Variants in SLC12A6 observed in about 807,000 individuals in gnomAD.
SLC12A6 encodes the protein solute carrier family 12 member 6, also known as K-Cl cotransporter 3.
In SLC12A6, 66 loss-of-function variants were observed where a neutral mutation model predicts 135.3. That is an observed-to-expected ratio of 0.49 (90% confidence interval 0.40 to 0.60). The LOEUF (loss-of-function observed/expected upper bound fraction) is 0.60, where lower values mean the gene tolerates loss of function less well. Among genes scored for constraint, SLC12A6 ranks in the 20% least tolerant of loss-of-function variants. The probability of loss-of-function intolerance (pLI) is 0.00; values close to 1 mark genes in which losing one functional copy is unlikely to be tolerated. For synonymous variants in SLC12A6, 513 were observed against 508.8 expected (o/e 1.01, Z -0.11); for missense variants, 1,058 against 1,452.3 (o/e 0.73, Z 4.41).
At chr15:34,271,775 T>C (rs1893973278) in intron 3 of SLC12A6, among the ~76,000 whole-genome samples, 2 of 152,124 alleles carry the variant, frequency 1.3e-5, no homozygotes. Context: ...AACTGTGCCC[T>C]GTTGACAGTA....
chr15:34,258,756 C>T (rs911700225), intron 5 of SLC12A6, 57 bp downstream of exon 5: 2 of 1,467,376 alleles, frequency 1.4e-6, no homozygotes, highest in Admixed American at 3.3e-5. Flanking sequence ...TAGGTATTTC[C>T]TTCTTTCTTA....
At chr15:34,284,804 G>T (rs538074017) in intron 2 of SLC12A6, among the ~76,000 whole-genome samples, 1 of 152,170 alleles carries the variant, frequency 6.6e-6, no homozygotes, top group Non-Finnish European at 1.5e-5. Flanking sequence ...ACTAGTGGGA[G>T]AGTGGTTTGT....
chr15:34,269,055 G>C (rs1893726834), intron 3 of SLC12A6, among the ~76,000 whole-genome samples: 1 of 151,808 alleles, frequency 6.6e-6, no homozygotes, highest in Non-Finnish European at 1.5e-5. Flanking sequence ...ATGGGGTTTT[G>C]CCATGTTGGC....
At chr15:34,292,726 GC>G (rs1895624256) in intron 2 of SLC12A6, among the ~76,000 whole-genome samples, 1 of 150,332 alleles carries the variant, frequency 6.7e-6, no homozygotes, top group Non-Finnish European at 1.5e-5. Context: ...AATGGCAGAC[GC>G]CCCTTGCCCC....
intron 2 of SLC12A6, among the ~76,000 whole-genome samples, chr15:34,315,051 A>T (rs1187465645): frequency 1.3e-5 from 2 of 152,216 alleles, no homozygotes; most frequent in African/African-American, 4.8e-5. Flanking sequence ...GGTTGAGCAA[A>T]GAAAGTAGTT....
chr15:34,336,267 A>C, intron 2 of SLC12A6, 143 bp downstream of exon 2: 2 of 739,740 alleles, frequency 2.7e-6, no homozygotes, highest in Non-Finnish European at 4.8e-6. Flanking sequence ...AAGAGTTCCT[A>C]AGCATCTCAC....
At chr15:34,274,745 G>A (rs528777643) in intron 3 of SLC12A6, among the ~76,000 whole-genome samples, 27 of 152,126 alleles carry the variant, frequency 1.8e-4, no homozygotes, top group African/African-American at 3.9e-4. Context: ...CCTGGGAGGC[G>A]GAGCTTGCAG....
At chr15:34,331,205 C>T (rs915867735) in intron 2 of SLC12A6, among the ~76,000 whole-genome samples, 28 of 152,150 alleles carry the variant, frequency 1.8e-4, no homozygotes, top group Admixed American at 1.4e-3. Flanking sequence ...CAGAGTCTCG[C>T]TCTGTCATCC....
chr15:34,248,481 G>C (rs1289406641), intron 13 of SLC12A6, among the ~76,000 whole-genome samples: 1 of 151,444 alleles, frequency 6.6e-6, no homozygotes, highest in Admixed American at 6.6e-5. Flanking sequence ...TTTATATCAT[G>C]GTGTAACTTA....
intron 2 of SLC12A6, among the ~76,000 whole-genome samples, chr15:34,322,312 C>G (rs1354119175): frequency 1.3e-5 from 2 of 151,402 alleles, no homozygotes; most frequent in Non-Finnish European, 2.9e-5. Context: ...ACCCGGGAGG[C>G]AGAGGTTGCG....
At chr15:34,287,012 C>CT (rs1280137795) in intron 2 of SLC12A6, among the ~76,000 whole-genome samples, 4 of 150,494 alleles carry the variant, frequency 2.7e-5, no homozygotes, top group African/African-American at 7.3e-5. Flanking sequence ...TTTTTAAATA[C>CT]TTTAAGTTCT....
intron 3 of SLC12A6, among the ~76,000 whole-genome samples, chr15:34,274,037 A>C (rs567910503): frequency 6.6e-6 from 1 of 152,354 alleles, no homozygotes; most frequent in South Asian, 2.1e-4. Context: ...TGATATATCT[A>C]TCTTATATAC....
intron 3 of SLC12A6, among the ~76,000 whole-genome samples, chr15:34,264,674 G>A (rs1893374408): frequency 6.6e-6 from 1 of 151,720 alleles, no homozygotes; most frequent in Non-Finnish European, 1.5e-5. Flanking sequence ...TTTTAAAAAG[G>A]GCAAGTAAAA....
chr15:34,295,108 A>G (rs1895795475), intron 2 of SLC12A6, among the ~76,000 whole-genome samples: 1 of 152,224 alleles, frequency 6.6e-6, no homozygotes, highest in Non-Finnish European at 1.5e-5. Context: ...TTTTACCTGT[A>G]TTATCTCATT....
intron 2 of SLC12A6, among the ~76,000 whole-genome samples, chr15:34,281,430 T>C (rs1894670756): frequency 6.6e-6 from 1 of 152,176 alleles, no homozygotes; most frequent in Non-Finnish European, 1.5e-5. Context: ...TTACATAATA[T>C]ATTCTAAATT....
intron 13 of SLC12A6, among the ~76,000 whole-genome samples, chr15:34,249,013 TAGAG>T (rs1892199876): frequency 6.6e-6 from 1 of 152,008 alleles, no homozygotes; most frequent in Non-Finnish European, 1.5e-5. Flanking sequence ...TAAAAAGAGG[TAGAG>T]AGGGCCAGAT....
At chr15:34,241,963 G>A (rs1031912977) in intron 17 of SLC12A6, 139 bp downstream of exon 17, 14 of 698,892 alleles carry the variant, frequency 2.0e-5, no homozygotes, top group Admixed American at 1.2e-4. Context: ...CATTAAGATG[G>A]TTAAAGAATT....
chr15:34,254,548 G>T lies in SLC12A6; in HGVS notation c.918C>A (p.Asp306Glu). The change falls in exon 9 of 26, where the codon GAC becomes GAA. Residue 306 changes from aspartate (D) to glutamate (E), a missense_variant. Around this residue, in one of 6 missense-constraint regions of SLC12A6, gnomAD observed 297 missense variants for 318.5 expected, o/e 0.93. Coordinates refer to ENST00000354181, the MANE Select transcript of SLC12A6 (RefSeq NM_001365088.1). ...GCATGGCTGCTGATTCCTTGAGTGC[G>T]TCATCACTGTGAAAGATGGCAGCTC... ...VPRAAIFHSD[D>E]ALKESAAMLN... is the part of the protein sequence containing the mutation. 2 of 1,608,758 alleles carry T rather than the reference G, an allele frequency of 1.2e-6. No individual in the cohort carries two copies. The highest frequency in any genetic ancestry group is 1.1e-5 in the South Asian group (1 of 90,990).
chr15:34,244,934 C>A (rs1891883368), intron 15 of SLC12A6, among the ~76,000 whole-genome samples: 1 of 152,188 alleles, frequency 6.6e-6, no homozygotes, highest in African/African-American at 2.4e-5. Flanking sequence ...TCTTATCCAT[C>A]TTTGTATTCC....
Sources: allele counts gnomAD v4.1 joint callset (sites outside exome capture counted in the v4.1 genomes callset), GRCh38; gene constraint gnomAD v4.1.1; regional missense constraint gnomAD v4.1.1; transcripts MANE v1.5; gene names NCBI Gene and HGNC (gene_info 2026-07-23, HGNC 2026-07-21).